The following KIF19 variants were observed in gnomAD, a reference collection of about 807,000 sequenced individuals.
KIF19 encodes kinesin-like protein KIF19.
Under a neutral mutation model 106.6 loss-of-function variants are expected in KIF19, and 98 were observed. That is an observed-to-expected ratio of 0.92 (90% CI 0.78 to 1.09). The LOEUF is 1.09. Ranked by LOEUF, KIF19 falls within the 50% of genes least tolerant of loss-of-function variation. The probability of loss-of-function intolerance (pLI) is 0.00; values close to 1 mark genes in which losing one functional copy is unlikely to be tolerated. For missense variants in KIF19, 1,373 were observed against 1,414.3 expected, an observed-to-expected ratio of 0.97 and a Z score of 0.47; for synonymous variants, 516 against 584.2, an observed-to-expected ratio of 0.88 and a Z score of 1.68.
intron 2 of KIF19, among the ~76,000 whole-genome samples, chr17:74,339,785 C>A (rs1019256730): frequency 6.6e-6 from 1 of 152,234 alleles, no homozygotes; most frequent in African/African-American, 2.4e-5. Flanking sequence ...CGCCAGCTGC[C>A]TCTCAGGGGG....
At chr17:74,328,994 G>A (rs761866661) in intron 2 of KIF19, 1 of 153,668 alleles carries the variant, frequency 6.5e-6, no homozygotes, top group East Asian at 1.9e-4. Context: ...GGAAACTGTG[G>A]TGAACAGAAA....
chr17:74,349,187 A>G lies in KIF19; in HGVS notation c.1051A>G (p.Lys351Glu), dbSNP rs375798100. Residue 351 changes from lysine to glutamate, a missense_variant, in exon 10 of 20, where the codon AAG becomes GAG. Coordinates refer to ENST00000389916, the MANE Select transcript of KIF19 (RefSeq NM_153209.4). ...GRAKNIKTRV[K>E]QNLLNVSYHI... ...GCTCCATACGTGTTCCCTGCAGGTG[A>G]AGCAGAACCTCCTGAACGTCTCCTA... 1.2e-6 allele frequency: 2 copies of G among 1,613,732 alleles called. No individual in the cohort carries two copies. Among genetic ancestry groups the G allele is most frequent in the Non-Finnish European group, 1.7e-6 (2 of 1,179,840 alleles).
chr17:74,327,722 C>T (rs185922623), intron 1 of KIF19, among the ~76,000 whole-genome samples: 10 of 152,354 alleles, frequency 6.6e-5, no homozygotes, highest in Non-Finnish European at 8.8e-5. Flanking sequence ...CCGCCCACCT[C>T]GGCCTCCTAA....
At position 74,350,416 on chromosome 17, in the gene KIF19, A is replaced by G. The variant is rs2144285293; in HGVS notation, c.1229A>G (p.His410Arg). 1 of 1,601,880 alleles carries G rather than the reference A, an allele frequency of 6.2e-7. No individual in the cohort carries two copies. The highest frequency in any genetic ancestry group is 2.3e-5 in the East Asian group (1 of 44,406). ...CCATCGGCAGCTGAGGTCCAGCTGC[A>G]CAGCGGGCAGGGTGAGAAGGCTGGC... Reference protein sequence around the residue: ...IRHIQAEVQLHSGQGEKAGMG... With the variant: ...IRHIQAEVQLRSGQGEKAGMG... Residue 410 changes from histidine (H) to arginine (R), a missense_variant, in exon 11 of 20, where the codon CAC (histidine) becomes CGC (arginine). By Grantham distance (29) the His-to-Arg change is conservative. Around this residue, in one of 3 missense-constraint regions of KIF19, gnomAD observed 1,020 missense variants for 1,008.2 expected, o/e 1.01. Transcript: ENST00000389916.
At chr17:74,339,046 G>A (rs905939378) in intron 2 of KIF19, among the ~76,000 whole-genome samples, 16 of 151,888 alleles carry the variant, frequency 1.1e-4, no homozygotes, top group African/African-American at 3.6e-4. Context: ...TACCCTGCCC[G>A]CTGTTAGGAC....
rs757877181 is a variant in KIF19 at position 74,341,921 on chromosome 17, C to T, written c.166C>T (p.Arg56Trp). The change falls in exon 3 of 20, where the codon CGG becomes TGG. Residue 56 changes from arginine to tryptophan, a missense_variant. Around this residue, in one of 3 missense-constraint regions of KIF19, gnomAD observed 348 missense variants for 389.5 expected, o/e 0.89. Coordinates refer to ENST00000389916, the MANE Select transcript of KIF19 (RefSeq NM_153209.4). ...AATGGAGGATCCCGACGACATCCTG[C>T]GGGCGCATCGCTCCCGGGAGAAGTC... ...DPMEDPDDIL[R>W]AHRSREKSYL... is the part of the protein sequence containing the mutation. 237 of 1,613,576 alleles carry T rather than the reference C, an allele frequency of 1.5e-4. 1 individual carries two copies. Among genetic ancestry groups the T allele is most frequent in the Non-Finnish European group, 1.3e-4 (148 of 1,179,830 alleles).
At position 74,342,626 on chromosome 17, in the gene KIF19, G is replaced by T; in HGVS notation, c.232-4G>T. On this transcript the variant is annotated splice_polypyrimidine_tract_variant and splice_region_variant and intron_variant, in intron 3 of 19. Coordinates refer to ENST00000389916, the MANE Select transcript of KIF19 (RefSeq NM_153209.4). ...CGGCCCCTGACAGGCTTCCTTCCTC[G>T]CAGGAGATGGTGTATCAGGCCACCA... The T allele has an allele frequency of 6.2e-7, 1 of 1,612,040 alleles. No individual in the cohort carries two copies. Among genetic ancestry groups the T allele is most frequent in the Non-Finnish European group, 8.5e-7 (1 of 1,178,814 alleles).
At chr17:74,337,950 G>A (rs372855019) in intron 2 of KIF19, among the ~76,000 whole-genome samples, 1 of 152,266 alleles carries the variant, frequency 6.6e-6, no homozygotes, top group Non-Finnish European at 1.5e-5. Context: ...GCTGGAGCCC[G>A]GACAGATGGA....
chr17:74,332,224 G>T (rs866560109), intron 2 of KIF19, among the ~76,000 whole-genome samples: 1,156 of 110,792 alleles, frequency 0.01, 11 homozygotes, highest in African/African-American at 0.03. Context: ...GTGTGTGTGT[G>T]TGTGTGTGTG....
intron 2 of KIF19, among the ~76,000 whole-genome samples, chr17:74,336,477 C>T (rs886686843): frequency 2.0e-5 from 3 of 152,232 alleles, no homozygotes; most frequent in African/African-American, 7.2e-5. Context: ...GGATAAAGGG[C>T]TCCCCCTACT....
rs187062517 is a variant in KIF19 at position 74,337,539 on chromosome 17, G to A, written c.121-4337G>A. ...GAACCAGTGCCACAGCCTGCCCATC[G>A]CCTCTTTGCCTTGCTCATGTAATAG... On this transcript the variant is annotated intron_variant, in intron 2 of 19. Coordinates refer to ENST00000389916, the MANE Select transcript of KIF19 (RefSeq NM_153209.4). 5.3e-5 allele frequency among the ~76,000 whole-genome samples: 8 copies of A among 152,300 alleles called. No homozygotes were observed. In the East Asian group the frequency reaches 9.6e-4, roughly 18 times the overall value.
chr17:74,353,370 C>T, intron 16 of KIF19, 69 bp downstream of exon 16: 1 of 1,463,940 alleles, frequency 6.8e-7, no homozygotes, highest in Non-Finnish European at 9.4e-7. Context: ...GGGTGGACAG[C>T]AGCAGTTGGG....
At chr17:74,345,081 G>A (rs1024497514) in intron 7 of KIF19, 126 bp downstream of exon 7, 48 of 922,716 alleles carry the variant, frequency 5.2e-5, no homozygotes, top group Non-Finnish European at 7.3e-5. Flanking sequence ...GGGAGGTGGG[G>A]ACAGGGACGC....
At position 74,354,797 on chromosome 17, in the gene KIF19, A is replaced by T; in HGVS notation, c.2722A>T (p.Thr908Ser). The stretch of plus-strand genomic sequence containing the variant: ...ACCATCACAGCTCTCCCACCCCAAG[A>T]CACACCTCCTGGGGCCCCATCAGGC... ...VTGQGLSHPK[T>S]HLLGPHQAER... The change falls in exon 19 of 20, where the codon ACA becomes TCA. Residue 908 changes from threonine to serine, a missense_variant. Around this residue, in one of 3 missense-constraint regions of KIF19, gnomAD observed 1,020 missense variants for 1,008.2 expected, o/e 1.01. Coordinates refer to ENST00000389916, the MANE Select transcript of KIF19 (RefSeq NM_153209.4). The T allele has an allele frequency of 6.4e-7, 1 of 1,558,240 alleles. No homozygotes were observed. Among genetic ancestry groups the T allele is most frequent in the Non-Finnish European group, 8.7e-7 (1 of 1,151,036 alleles).
chr17:74,347,766 C>T lies in KIF19; in HGVS notation c.925-11C>T. On this transcript the variant is annotated splice_polypyrimidine_tract_variant and intron_variant, in intron 8 of 19. Transcript: ENST00000389916. ...GGCAGTCCCCACTGACCACAGCCAC[C>T]TCCCATCCAGGACTCTCTGGGAGGA... The T allele has an allele frequency of 1.9e-6, 3 of 1,587,508 alleles. No individual in the cohort carries two copies. Among genetic ancestry groups the T allele is most frequent in the Non-Finnish European group, 2.6e-6 (3 of 1,167,630 alleles).
intron 2 of KIF19, chr17:74,329,550 G>A (rs992922949): frequency 2.0e-5 from 3 of 150,792 alleles, no homozygotes; most frequent in Non-Finnish European, 4.4e-5. Flanking sequence ...GGGGAGAAAT[G>A]TTGACCTGAG....
chr17:74,343,060 A>C lies in KIF19; in HGVS notation c.356A>C (p.Gln119Pro). 1 of 1,611,672 alleles carries C rather than the reference A, an allele frequency of 6.2e-7. No homozygotes were observed. The change falls in exon 5 of 20, where the codon CAG (glutamine) becomes CCG (proline). Residue 119 changes from glutamine to proline, a missense_variant. Physicochemically the swap from Gln to Pro is moderately conservative, Grantham distance 76. This residue lies in a region of KIF19 where 348 missense variants were observed against 389.5 expected (regional missense o/e 0.89). Transcript: ENST00000389916. Reference protein sequence around the residue: ...GKTYTMLGTDQEPGIYVQTLN... With the variant: ...GKTYTMLGTDPEPGIYVQTLN... ...ACCTACACCATGCTGGGCACAGACC[A>C]GGAGCCTGGCATCTATGTTCAGACC...
At chr17:74,327,300 T>C (rs2053941428) in intron 1 of KIF19, among the ~76,000 whole-genome samples, 1 of 152,166 alleles carries the variant, frequency 6.6e-6, no homozygotes, top group African/African-American at 2.4e-5. Flanking sequence ...CTCTAGGACA[T>C]CCTCTCTGGC....
Position 74,326,320 on chromosome 17 carries a change from G to C in KIF19, c.-30G>C. 1.3e-6 allele frequency: 2 copies of C among 1,599,084 alleles called. No homozygotes were observed. Among genetic ancestry groups the C allele is most frequent in the Non-Finnish European group, 1.7e-6 (2 of 1,174,690 alleles). On this transcript the variant is annotated 5_prime_UTR_variant, in exon 1 of 20. Transcript: ENST00000389916. Reference sequence around the variant, plus strand: ...GTGCGGCTGAGCCATGCCCGGTGGCGCGGCCTGAGCCCCTCCACCTGCTGC... The same window carrying C: ...GTGCGGCTGAGCCATGCCCGGTGGCCCGGCCTGAGCCCCTCCACCTGCTGC...
Sources: gnomAD v4.1 joint callset for allele counts (sites outside exome capture counted in the v4.1 genomes callset) on GRCh38, gnomAD v4.1.1 for gene constraint, gnomAD v4.1.1 regional missense constraint, MANE v1.5 for transcripts, NCBI Gene and HGNC (gene_info 2026-07-23, HGNC 2026-07-21) for gene names.